The following TYR variants were observed in gnomAD, a reference collection of about 807,000 sequenced individuals.
The protein encoded by TYR is tyrosinase, also known as LB24-AB.
In TYR, 58 loss-of-function variants were observed where a neutral mutation model predicts 51.5. The observed-to-expected ratio is 1.13, with a 90% CI of 0.91 to 1.40. TYR has a LOEUF of 1.40. TYR is among the 40% of genes most tolerant of loss of function. The probability of loss-of-function intolerance (pLI) is 0.00; values close to 1 mark genes in which losing one functional copy is unlikely to be tolerated. For missense variants in TYR, 732 were observed against 647.4 expected, an observed-to-expected ratio of 1.13 and a Z score of -1.42; for synonymous variants, 263 against 235.2, an observed-to-expected ratio of 1.12 and a Z score of -1.08.
Position 89,232,940 on chromosome 11 carries a change from T to C in TYR, c.1184+4970T>C, listed in dbSNP as rs1201457322. On this transcript the variant is annotated intron_variant, in intron 3 of 4. Coordinates refer to ENST00000263321, the MANE Select transcript of TYR (RefSeq NM_000372.5). ...GATGAGGGTGATGGCTGCTGAAAGC[T>C]GGGGTGGCTGGAGCAATTTTTTAAA... is the stretch of plus-strand genomic sequence containing the variant. Among the ~76,000 whole-genome samples, 2 of 142,932 alleles carry C rather than the reference T, an allele frequency of 1.4e-5. 1 individual carries two copies. The highest frequency in any genetic ancestry group is 5.5e-5 in the African/African-American group (2 of 36,086). 93.8% of individuals were successfully genotyped at this position (142,932 alleles called of 152,430 possible).
chr11:89,282,875 T>C (rs532042291), intron 3 of TYR, among the ~76,000 whole-genome samples: 18 of 151,944 alleles, frequency 1.2e-4, no homozygotes, highest in Admixed American at 2.6e-4. Context: ...ATAGTCATAA[T>C]ACTTAGGAGG....
intron 3 of TYR, among the ~76,000 whole-genome samples, chr11:89,234,848 A>G (rs184016265): frequency 2.8e-4 from 43 of 152,228 alleles, no homozygotes; most frequent in Admixed American, 9.2e-4. Flanking sequence ...AAAACTTTGT[A>G]ATATTGCAAG....
chr11:89,251,871 A>G (rs1447939482), intron 3 of TYR, among the ~76,000 whole-genome samples: 1 of 151,852 alleles, frequency 6.6e-6, no homozygotes, highest in Non-Finnish European at 1.5e-5. Context: ...TGCTCATATC[A>G]GTTAAATCAT....
At chr11:89,198,825 T>C (rs1434097820) in intron 2 of TYR, among the ~76,000 whole-genome samples, 1 of 151,934 alleles carries the variant, frequency 6.6e-6, no homozygotes, top group Non-Finnish European at 1.5e-5. Flanking sequence ...TTGTTACATA[T>C]GTATACATGT....
intron 2 of TYR, among the ~76,000 whole-genome samples, chr11:89,207,543 C>T (rs1017399419): frequency 1.3e-5 from 2 of 152,034 alleles, no homozygotes; most frequent in Admixed American, 1.3e-4. Context: ...AGGAATTTAA[C>T]AAATTAACAT....
chr11:89,186,073 A>G (rs2135248482), intron 1 of TYR, among the ~76,000 whole-genome samples: 1 of 152,278 alleles, frequency 6.6e-6, no homozygotes, highest in African/African-American at 2.4e-5. Flanking sequence ...CATGGCAAAG[A>G]GTGGGCATGC....
intron 3 of TYR, among the ~76,000 whole-genome samples, chr11:89,243,872 T>G (rs546968216): frequency 6.6e-6 from 1 of 152,106 alleles, no homozygotes; most frequent in African/African-American, 2.4e-5. Flanking sequence ...TTATTTATTA[T>G]TAAATAAGGA....
chr11:89,198,153 G>A (rs987853251), intron 2 of TYR, among the ~76,000 whole-genome samples: 8 of 151,564 alleles, frequency 5.3e-5, no homozygotes, highest in African/African-American at 1.9e-4. Context: ...CTACAATGAA[G>A]CCTCCATAGG....
intron 3 of TYR, 128 bp from the exon 4 acceptor site, chr11:89,284,645 A>G: frequency 1.2e-6 from 1 of 825,790 alleles, no homozygotes; most frequent in Non-Finnish European, 2.0e-6. Context: ...TTTGAAGTAT[A>G]AAGAATATAT....
intron 3 of TYR, among the ~76,000 whole-genome samples, chr11:89,252,891 C>T (rs1944347069): frequency 1.3e-5 from 2 of 151,700 alleles, no homozygotes; most frequent in Non-Finnish European, 3.0e-5. Flanking sequence ...GAAACAGTCT[C>T]ATACAGTCAT....
At chr11:89,285,092 A>C (rs1299667353) in intron 4 of TYR, 138 bp downstream of exon 4, 2 of 750,692 alleles carry the variant, frequency 2.7e-6, no homozygotes, top group African/African-American at 3.5e-5. Flanking sequence ...TCCTTAATTT[A>C]TTACCAGTTT....
In TYR at chr11:89,178,407, C is replaced by T. The variant is rs145513733; in HGVS notation, c.454C>T (p.Pro152Ser). ...TACCATCAGCTCAGACTATGTCATC[C>T]CCATAGGGACCTATGGCCAAATGAA... is the stretch of plus-strand genomic sequence containing the variant. ...KHTISSDYVIPIGTYGQMKNG... is the reference protein window; with the variant it reads ...KHTISSDYVISIGTYGQMKNG... Residue 152 changes from proline (P) to serine (S), a missense_variant, in exon 1 of 5, where the codon CCC becomes TCC. By Grantham distance (74) the Pro-to-Ser change is moderately conservative. Transcript: ENST00000263321. 302 of 1,613,986 alleles carry T rather than the reference C, an allele frequency of 1.9e-4. 1 individual carries two copies. Among genetic ancestry groups the T allele is most frequent in the Non-Finnish European group, 3.5e-5 (41 of 1,180,002 alleles).
At chr11:89,244,333 C>A (rs1024399937) in intron 3 of TYR, among the ~76,000 whole-genome samples, 2 of 151,738 alleles carry the variant, frequency 1.3e-5, no homozygotes, top group Non-Finnish European at 2.9e-5. Context: ...CCAGGTCCTG[C>A]ATTTTTCCTG....
chr11:89,242,783 TG>T (rs1944216485), intron 3 of TYR, among the ~76,000 whole-genome samples: 1 of 152,180 alleles, frequency 6.6e-6, no homozygotes, highest in African/African-American at 2.4e-5. Context: ...ATCACTAAAA[TG>T]GGAATCCCTA....
chr11:89,262,452 C>T (rs1944468438), intron 3 of TYR, among the ~76,000 whole-genome samples: 1 of 151,202 alleles, frequency 6.6e-6, no homozygotes, highest in Non-Finnish European at 1.5e-5. Flanking sequence ...AATAAAAAAT[C>T]AAACTAAACT....
chr11:89,244,583 G>A (rs1303295719), intron 3 of TYR, among the ~76,000 whole-genome samples: 3 of 152,188 alleles, frequency 2.0e-5, no homozygotes, highest in Non-Finnish European at 4.4e-5. Context: ...TAGATTGGAA[G>A]CTTTTATGTG....
At chr11:89,199,783 A>C (rs1408961117) in intron 2 of TYR, among the ~76,000 whole-genome samples, 1 of 152,106 alleles carries the variant, frequency 6.6e-6, no homozygotes, top group Non-Finnish European at 1.5e-5. Flanking sequence ...AGTCTTCATG[A>C]TGTGTATTTA....
At chr11:89,188,504 T>G (rs559719521) in intron 1 of TYR, among the ~76,000 whole-genome samples, 1 of 151,622 alleles carries the variant, frequency 6.6e-6, no homozygotes, top group Admixed American at 6.6e-5. Context: ...AATGGAGGAG[T>G]GGGAAAGTAG....
chr11:89,262,342 A>G (rs376928701), intron 3 of TYR, among the ~76,000 whole-genome samples: 78 of 152,264 alleles, frequency 5.1e-4, no homozygotes, highest in African/African-American at 1.9e-3. Context: ...TACAGGCATG[A>G]GCCACTGTGC....
Sources: gnomAD v4.1 joint callset for allele counts (sites outside exome capture counted in the v4.1 genomes callset) on GRCh38, gnomAD v4.1.1 for gene constraint, MANE v1.5 for transcripts, NCBI Gene and HGNC (gene_info 2026-07-23, HGNC 2026-07-21) for gene names.